Variants in LPP observed in about 807,000 individuals in gnomAD.
LPP encodes the protein lipoma-preferred partner.
A neutral mutation model predicts 60.4 loss-of-function variants in LPP; 38 were observed. The ratio of observed to expected loss-of-function variants is 0.63; its 90% CI spans 0.49 to 0.83. The LOEUF (loss-of-function observed/expected upper bound fraction) is 0.83, where lower values mean the gene tolerates loss of function less well. LPP is among the 40% of genes least tolerant of loss of function. LPP has a pLI of 0.00. For missense variants in LPP, 902 were observed against 783.6 expected (o/e 1.15, Z -1.80); for synonymous variants, 328 against 290.8 (o/e 1.13, Z -1.30).
chr3:188,456,851 A>G (rs948849164), intron 4 of LPP, among the ~76,000 whole-genome samples: 1 of 152,180 alleles, frequency 6.6e-6, no homozygotes, highest in Non-Finnish European at 1.5e-5. Flanking sequence ...TAAGATTGCT[A>G]TATTGAGGCT....
intron 7 of LPP, among the ~76,000 whole-genome samples, chr3:188,704,913 C>T (rs1865180099): frequency 6.6e-6 from 1 of 151,930 alleles, no homozygotes; most frequent in Non-Finnish European, 1.5e-5. Flanking sequence ...TTAACTGACC[C>T]TTCCTATTTT....
intron 2 of LPP, among the ~76,000 whole-genome samples, chr3:188,272,300 C>T (rs73059697): frequency 0.045 from 6,776 of 152,242 alleles, 517 homozygotes; most frequent in African/African-American, 0.15. Context: ...ATTGCATGTA[C>T]TTGGTATGCC....
rs113399128 is a variant in LPP at position 188,230,875 on chromosome 3, G to A, written c.-67+5348G>A. 8.5e-3 allele frequency among the ~76,000 whole-genome samples: 1,290 copies of A among 152,182 alleles called. 4 individuals carry two copies. Among genetic ancestry groups the A allele is most frequent in the Non-Finnish European group, 0.014 (945 of 68,004 alleles). ...GTGCCACAAGATCTCTCACCACATC[G>A]CAGTCCAGGTGTTGCTGGACCTGCA... On this transcript the variant is annotated intron_variant, in intron 2 of 11. Coordinates refer to ENST00000617246, the MANE Select transcript of LPP (RefSeq NM_001375462.1).
At chr3:188,674,932 G>A (rs559930470) in intron 7 of LPP, among the ~76,000 whole-genome samples, 2 of 152,332 alleles carry the variant, frequency 1.3e-5, no homozygotes, top group South Asian at 4.1e-4. Context: ...TTAGCAACTA[G>A]AAGTGTGTGA....
rs577713490 is a variant in LPP at position 188,362,083 on chromosome 3, C to T, written c.-10+20364C>T. Among the ~76,000 whole-genome samples the T allele has an allele frequency of 3.9e-5, 6 of 152,170 alleles. No individual in the cohort carries two copies. In the East Asian group the frequency reaches 1.2e-3, roughly 29 times the overall value. ...AGAGGTACAGATAGTAGGCTGTGGG[C>T]CCGAAGGAGGGTTTCCGTGGGCGTG... On this transcript the variant is annotated intron_variant, in intron 3 of 11. Transcript: ENST00000617246.
chr3:188,444,520 T>A (rs1794760865), intron 4 of LPP, among the ~76,000 whole-genome samples: 1 of 152,054 alleles, frequency 6.6e-6, no homozygotes, highest in South Asian at 2.1e-4. Flanking sequence ...TTATAGAAAA[T>A]AAAAATGACC....
intron 9 of LPP, among the ~76,000 whole-genome samples, chr3:188,811,849 G>C (rs898250386): frequency 6.6e-6 from 1 of 152,082 alleles, no homozygotes; most frequent in African/African-American, 2.4e-5. Context: ...CCTTAAAAAA[G>C]TTGTGGATAC....
intron 1 of LPP, among the ~76,000 whole-genome samples, chr3:188,157,380 G>A (rs1199706468): frequency 6.6e-6 from 1 of 152,086 alleles, no homozygotes; most frequent in Non-Finnish European, 1.5e-5. Flanking sequence ...GCCAGTCTGG[G>A]TTAATTGGGA....
Position 188,828,231 on chromosome 3 carries a change from A to G in LPP, c.1411-37969A>G, listed in dbSNP as rs1451957838. Among the ~76,000 whole-genome samples, 3 of 152,052 alleles carry G rather than the reference A, an allele frequency of 2.0e-5. No homozygotes were observed. In the East Asian group the frequency reaches 5.8e-4, roughly 29 times the overall value. On this transcript the variant is annotated intron_variant, in intron 9 of 11. Coordinates refer to ENST00000617246, the MANE Select transcript of LPP (RefSeq NM_001375462.1). The stretch of plus-strand genomic sequence containing the variant: ...GGAAGGAAGTACATGCTGGGAGAGA[A>G]ATAAGCTGGGAGGGAAAAGGGAGTG...
rs1358109519 is a variant in LPP at position 188,875,528 on chromosome 3, C to T, written c.*1049C>T. Reference sequence around the variant, plus strand: ...CCTGACAATTGCAAATCAGAGCATACAAAATAAAACTGTGCAGTTTTGTTT... The same window carrying T: ...CCTGACAATTGCAAATCAGAGCATATAAAATAAAACTGTGCAGTTTTGTTT... On this transcript the variant is annotated 3_prime_UTR_variant, in exon 12 of 12. Transcript: ENST00000617246. The T allele has an allele frequency of 1.4e-5, 3 of 213,040 alleles. No homozygotes were observed. Among genetic ancestry groups the T allele is most frequent in the Non-Finnish European group, 2.9e-5 (3 of 105,194 alleles). The allele number at this position is 213,040 out of a possible 1,614,324, so 13.2% of individuals were successfully genotyped here.
intron 8 of LPP, among the ~76,000 whole-genome samples, chr3:188,758,950 T>C (rs895879292): frequency 7.2e-5 from 11 of 152,222 alleles, no homozygotes; most frequent in African/African-American, 2.7e-4. Context: ...AGAAAAAGTC[T>C]GACATATGTG....
intron 2 of LPP, among the ~76,000 whole-genome samples, chr3:188,255,411 A>G (rs1270945349): frequency 6.6e-6 from 1 of 152,210 alleles, no homozygotes; most frequent in East Asian, 1.9e-4. Context: ...CTTTTCCTCT[A>G]TGCCTGACAC....
chr3:188,753,789 G>C (rs181849733), intron 8 of LPP, among the ~76,000 whole-genome samples: 4 of 152,110 alleles, frequency 2.6e-5, no homozygotes, highest in East Asian at 3.9e-4. Flanking sequence ...GTGTGAGTGT[G>C]TATATGTATT....
At chr3:188,711,318 A>T (rs184400866) in intron 8 of LPP, 3 of 152,334 alleles carry the variant, frequency 2.0e-5, no homozygotes, top group Admixed American at 2.0e-4. Context: ...CTTATAGGAA[A>T]ACATAACCCT....
intron 9 of LPP, among the ~76,000 whole-genome samples, chr3:188,780,662 G>C (rs535995346): frequency 2.0e-5 from 3 of 152,160 alleles, no homozygotes; most frequent in South Asian, 4.1e-4. Flanking sequence ...TAGTGAAAAC[G>C]TTCCTCTTCT....
At chr3:188,265,659 AAG>A (rs1735236338) in intron 2 of LPP, among the ~76,000 whole-genome samples, 1 of 152,142 alleles carries the variant, frequency 6.6e-6, no homozygotes, top group Non-Finnish European at 1.5e-5. Context: ...ATAAGAAAGA[AAG>A]AGCTGAGTCT....
chr3:188,825,914 G>A (rs376377400), intron 9 of LPP, among the ~76,000 whole-genome samples: 15 of 151,948 alleles, frequency 9.9e-5, no homozygotes, highest in African/African-American at 3.1e-4. Context: ...TTTTTTCTCC[G>A]TGTGCCACCA....
chr3:188,869,355 A>G (rs1767476508), intron 10 of LPP, among the ~76,000 whole-genome samples: 1 of 152,156 alleles, frequency 6.6e-6, no homozygotes, highest in East Asian at 1.9e-4. Flanking sequence ...CAGTGGCACA[A>G]TCTCAGCTCA....
At chr3:188,376,197 G>T (rs1037737997) in intron 3 of LPP, among the ~76,000 whole-genome samples, 5 of 152,046 alleles carry the variant, frequency 3.3e-5, no homozygotes, top group African/African-American at 7.2e-5. Context: ...TTGGGGTGGA[G>T]AGTTCTGTAG....
Sources: allele counts gnomAD v4.1 joint callset (sites outside exome capture counted in the v4.1 genomes callset), GRCh38; gene constraint gnomAD v4.1.1; transcripts MANE v1.5; gene names NCBI Gene and HGNC (gene_info 2026-07-23, HGNC 2026-07-21).